The following UNC45B variants were observed in gnomAD, a reference collection of about 807,000 sequenced individuals.
UNC45B encodes the protein protein unc-45 homolog B.
A neutral mutation model predicts 98.7 loss-of-function variants in UNC45B; 78 were observed. That is an observed-to-expected ratio of 0.79 (90% confidence interval 0.66 to 0.95). The LOEUF is 0.95. Among genes scored for constraint, UNC45B ranks in the 40% least tolerant of loss-of-function variants. The pLI is 0.00. For synonymous variants in UNC45B, 462 were observed against 480.4 expected (o/e 0.96, Z 0.50); for missense variants, 1,225 against 1,184.9 (o/e 1.03, Z -0.50).
In UNC45B at chr17:35,168,208, G is replaced by T. The variant is rs772352739; in HGVS notation, c.1299G>T (p.Glu433Asp). Residue 433 changes from glutamate (E) to aspartate (D), a missense_variant, in exon 10 of 20, where the codon GAG (glutamate) becomes GAT (aspartate). By Grantham distance (45) the Glu-to-Asp change is conservative. Coordinates refer to ENST00000394570, the MANE Select transcript of UNC45B (RefSeq NM_001267052.2). The part of the protein sequence containing the change: ...MEMMVALCGS[E>D]RETDQLVAVE... ...TGATGGTGGCACTATGTGGCTCAGA[G>T]CGCGAGACGGACCAGCTGGTGGCCG... The T allele has an allele frequency of 6.3e-7, 1 of 1,598,752 alleles. No individual in the cohort carries two copies. Among genetic ancestry groups the T allele is most frequent in the Non-Finnish European group, 8.5e-7 (1 of 1,171,890 alleles).
In UNC45B at chr17:35,186,749, A is replaced by T. The variant is rs1681973522; in HGVS notation, c.*190A>T. On this transcript the variant is annotated 3_prime_UTR_variant, in exon 20 of 20. Transcript: ENST00000394570. ...TGTCCTGACAGAGTTTGGATGTTTC[A>T]CTCTCTCTCTTGCTTCCTGTCTCCT... 5.3e-6 allele frequency: 3 copies of T among 563,604 alleles called. No individual in the cohort carries two copies. Among genetic ancestry groups the T allele is most frequent in the East Asian group, 3.2e-5 (1 of 31,214 alleles). 34.9% of individuals were successfully genotyped at this position (563,604 alleles called of 1,614,324 possible). A position where few individuals can be genotyped will look rare whatever the true frequency, so the allele number is the denominator to read the frequency against.
At chr17:35,174,191 T>C in intron 13 of UNC45B, 51 bp from the exon 14 acceptor site, 1 of 1,612,014 alleles carries the variant, frequency 6.2e-7, no homozygotes. Flanking sequence ...CCAATACCGA[T>C]TGGCCTGGCA....
At position 35,150,115 on chromosome 17, in the gene UNC45B, G is replaced by A. The variant is rs777403149; in HGVS notation, c.273G>A (p.Gly91=). The change falls in exon 4 of 20, where the codon GGG becomes GGA. Residue 91 remains glycine (G), a synonymous_variant. Coordinates refer to ENST00000394570, the MANE Select transcript of UNC45B (RefSeq NM_001267052.2). Reference sequence around the variant, plus strand: ...GATGCCAGGCACTGGAGCACCTGGGGAAGCTGGACCAGGCCTTCAAAGACG... The same window carrying A: ...GATGCCAGGCACTGGAGCACCTGGGAAAGCTGGACCAGGCCTTCAAAGACG... ...YRRCQALEHL[G]KLDQAFKDVQ... 8 of 1,613,722 alleles carry A rather than the reference G, an allele frequency of 5.0e-6. No homozygotes were observed. The highest frequency in any genetic ancestry group is 6.8e-6 in the Non-Finnish European group (8 of 1,179,820).
In UNC45B at chr17:35,154,619, G is replaced by T; in HGVS notation, c.517G>T (p.Glu173Ter). 6.2e-7 allele frequency: 1 copy of T among 1,613,568 alleles called. No homozygotes were observed. The highest frequency in any genetic ancestry group is 2.2e-5 in the East Asian group (1 of 44,878). ...CCTAGGCCGTGAGGAAGCAGGGGCTGAGAAGATCTTCCAGAACAATGGAGT... is the reference window on the plus strand; with the variant it reads ...CCTAGGCCGTGAGGAAGCAGGGGCTTAGAAGATCTTCCAGAACAATGGAGT... The part of the protein sequence containing the change: ...IVLGREEAGA[E>*]KIFQNNGVAL... Residue 173 changes from glutamate (E) to a stop codon, truncating the protein, a stop_gained, in exon 6 of 20, where the codon GAG (glutamate) becomes TAG (stop). Coordinates refer to ENST00000394570, the MANE Select transcript of UNC45B (RefSeq NM_001267052.2). LOFTEE classifies it high-confidence loss of function.
At chr17:35,163,952 G>C in intron 8 of UNC45B, 43 bp from the exon 9 acceptor site, 1 of 1,553,676 alleles carries the variant, frequency 6.4e-7, no homozygotes, top group Non-Finnish European at 8.7e-7. Context: ...TGTGAGGATG[G>C]AGCCCAGCAG....
chr17:35,174,361 G>T lies in UNC45B; in HGVS notation c.1950G>T (p.Leu650=). ...TCCTCACTGACCAGACCAAGGAGCT[G>T]CTGGCCAGGTGGGGCTGCAGTGGGC... ...SAILTDQTKE[L]LARVFLALCD... The change falls in exon 14 of 20, where the codon CTG becomes CTT. Residue 650 remains leucine, a synonymous_variant. Transcript: ENST00000394570. The T allele has an allele frequency of 6.2e-6, 10 of 1,614,160 alleles. No individual in the cohort carries two copies. The highest frequency in any genetic ancestry group is 7.6e-6 in the Non-Finnish European group (9 of 1,179,996).
At position 35,163,152 on chromosome 17, in the gene UNC45B, T is replaced by C. The variant is rs1235352389; in HGVS notation, c.980-843T>C. 2.6e-5 allele frequency among the ~76,000 whole-genome samples: 4 copies of C among 152,250 alleles called. No homozygotes were observed. In the East Asian group the frequency reaches 7.7e-4, roughly 29 times the overall value. On this transcript the variant is annotated intron_variant, in intron 8 of 19. Coordinates refer to ENST00000394570, the MANE Select transcript of UNC45B (RefSeq NM_001267052.2). Reference sequence around the variant, plus strand: ...CAGCAGGGTTATTGTTAGGATTAGATGAAGTGAATGTGTATAAAGCTCTTG... The same window carrying C: ...CAGCAGGGTTATTGTTAGGATTAGACGAAGTGAATGTGTATAAAGCTCTTG...
At chr17:35,166,113 T>TAAAAAAAAAAAAAAAAAAAAAAACAA (rs1435189350) in intron 9 of UNC45B, among the ~76,000 whole-genome samples, 1 of 88,940 alleles carries the variant, frequency 1.1e-5, no homozygotes, top group Non-Finnish European at 2.2e-5. Flanking sequence ...AAAAAAAAAT[T>TAAAAAAAAAAAAAAAAAAAAAAACAA]AAAAATGAGT....
At position 35,164,175 on chromosome 17, in the gene UNC45B, C is replaced by T; in HGVS notation, c.1151+9C>T. ...TGTGAGGAATATATCACGTAAGTTT[C>T]CTGGAGGCCTCACAGGGTCAGGCTC... On this transcript the variant is annotated intron_variant, in intron 9 of 19. Coordinates refer to ENST00000394570, the MANE Select transcript of UNC45B (RefSeq NM_001267052.2). 2 of 1,601,982 alleles carry T rather than the reference C, an allele frequency of 1.2e-6. No individual in the cohort carries two copies. The highest frequency in any genetic ancestry group is 1.7e-6 in the Non-Finnish European group (2 of 1,173,554).
At chr17:35,182,235 G>A (rs764285443) in intron 18 of UNC45B, among the ~76,000 whole-genome samples, 6 of 151,952 alleles carry the variant, frequency 3.9e-5, no homozygotes, top group Admixed American at 6.6e-5. Flanking sequence ...GACTACAGGC[G>A]CGTGCCACCA....
chr17:35,171,210 C>A, intron 12 of UNC45B, 112 bp from the exon 13 acceptor site: 1 of 1,388,678 alleles, frequency 7.2e-7, no homozygotes, highest in Non-Finnish European at 9.9e-7. Flanking sequence ...GCCCTACCAG[C>A]TGCACTCCTC....
intron 7 of UNC45B, among the ~76,000 whole-genome samples, chr17:35,159,043 G>T (rs777728962): frequency 6.6e-6 from 1 of 152,166 alleles, no homozygotes; most frequent in Non-Finnish European, 1.5e-5. Context: ...TATTAAATCA[G>T]TTTATTAGAA....
chr17:35,166,086 T>TAAAAAAAAAAAAAAAAAAAAAA lies in UNC45B; in HGVS notation c.1151+1924_1151+1945dup, dbSNP rs55844448. On this transcript the variant is annotated intron_variant, in intron 9 of 19. Coordinates refer to ENST00000394570, the MANE Select transcript of UNC45B (RefSeq NM_001267052.2). ...GGCAATGTAGAGAGACCCTCATCTC[T>TAAAAAAAAAAAAAAAAAAAAAA]AAAAAAAAAAAAAAAAAAAAAAAAA... Among the ~76,000 whole-genome samples, 137 of 58,110 alleles carry TAAAAAAAAAAAAAAAAAAAAAA rather than the reference T, an allele frequency of 2.4e-3. 4 individuals are homozygous for TAAAAAAAAAAAAAAAAAAAAAA. Among genetic ancestry groups the TAAAAAAAAAAAAAAAAAAAAAA allele is most frequent in the African/African-American group, 5.7e-3 (80 of 14,118 alleles). The allele number at this position is 58,110 out of a possible 152,430, so 38.1% of individuals were successfully genotyped here.
Position 35,177,483 on chromosome 17 carries a change from C to T in UNC45B, c.2140-12C>T. The T allele has an allele frequency of 1.3e-6, 2 of 1,550,838 alleles. No individual in the cohort carries two copies. The highest frequency in any genetic ancestry group is 2.4e-5 in the South Asian group (2 of 84,072). ...TCCTCACCTGACCAAACCCTTGACC[C>T]CTCCCCAACAGGTGTATGAGGTGGT... is the stretch of plus-strand genomic sequence containing the variant. On this transcript the variant is annotated splice_polypyrimidine_tract_variant and intron_variant, in intron 16 of 19. Transcript: ENST00000394570.
At chr17:35,168,578 C>T (rs1009484716) in intron 10 of UNC45B, among the ~76,000 whole-genome samples, 11 of 152,180 alleles carry the variant, frequency 7.2e-5, no homozygotes, top group African/African-American at 2.2e-4. Context: ...ACCCTGAGGA[C>T]GTTCGTCTCC....
chr17:35,180,691 C>G lies in UNC45B; in HGVS notation c.2373+15C>G. 1 of 1,605,426 alleles carries G rather than the reference C, an allele frequency of 6.2e-7. No homozygotes were observed. The highest frequency in any genetic ancestry group is 8.5e-7 in the Non-Finnish European group (1 of 1,173,752). On this transcript the variant is annotated intron_variant, in intron 18 of 19. Transcript: ENST00000394570. ...TCCACAAGGAGGTGAGGCAGGGGCT[C>G]AGGATGGAGACCCGGGCGTGATCAA...
chr17:35,185,496 G>A (rs58571002), intron 19 of UNC45B, among the ~76,000 whole-genome samples: 33,975 of 151,520 alleles, frequency 0.22, 4,334 homozygotes, highest in Middle Eastern at 0.3. Flanking sequence ...TTAGTAGAGA[G>A]GGGGTTTCCC....
chr17:35,171,540 G>C, intron 13 of UNC45B, 78 bp downstream of exon 13: 1 of 1,548,642 alleles, frequency 6.5e-7, no homozygotes, highest in East Asian at 2.3e-5. Context: ...CAAAAGGAGT[G>C]GTGTCAGGAG....
intron 4 of UNC45B, chr17:35,151,313 C>A (rs901633845): frequency 3.6e-5 from 6 of 165,830 alleles, no homozygotes. Flanking sequence ...GTGGGTCTTC[C>A]GTACGCCACA....
Sources: gnomAD v4.1 joint callset for allele counts (sites outside exome capture counted in the v4.1 genomes callset) on GRCh38, gnomAD v4.1.1 for gene constraint, MANE v1.5 for transcripts, NCBI Gene and HGNC (gene_info 2026-07-23, HGNC 2026-07-21) for gene names.